NEK1: variants seen among roughly 807,000 people sequenced by gnomAD.
NEK1 encodes the protein serine/threonine-protein kinase Nek1.
Under a neutral mutation model 182.1 loss-of-function variants are expected in NEK1, and 137 were observed. The observed-to-expected ratio is 0.75, with a 90% CI of 0.65 to 0.87. The LOEUF is 0.87. Ranked by LOEUF, NEK1 falls within the 40% of genes least tolerant of loss-of-function variation. NEK1 has a pLI of 0.00. For synonymous variants in NEK1, 513 were observed against 492.2 expected (o/e 1.04, Z -0.56); for missense variants, 1,391 against 1,494.4 (o/e 0.93, Z 1.14).
At chr4:169,414,926 AC>A (rs926869554) in intron 31 of NEK1, among the ~76,000 whole-genome samples, 1 of 152,234 alleles carries the variant, frequency 6.6e-6, no homozygotes, top group Admixed American at 6.5e-5. Context: ...ACCTACTTTA[AC>A]AAAAATAGCT....
intron 9 of NEK1, 46 bp downstream of exon 9, chr4:169,587,513 C>T (rs1429627102): frequency 8.7e-6 from 9 of 1,031,766 alleles, no homozygotes; most frequent in East Asian, 2.9e-5. Flanking sequence ...ACATTATAGT[C>T]GCTTTTTAAC....
At chr4:169,496,805 C>T (rs1751393368) in intron 23 of NEK1, among the ~76,000 whole-genome samples, 1 of 151,908 alleles carries the variant, frequency 6.6e-6, no homozygotes, top group Non-Finnish European at 1.5e-5. Flanking sequence ...ATTCGGTTTG[C>T]CAGTATTTTA....
At chr4:169,495,618 T>C (rs1219329232) in intron 23 of NEK1, among the ~76,000 whole-genome samples, 1 of 152,224 alleles carries the variant, frequency 6.6e-6, no homozygotes, top group Admixed American at 6.5e-5. Context: ...GCTTTCTACA[T>C]ATGGCTAGCC....
At chr4:169,611,296 GCTC>G (rs1271756003) in intron 2 of NEK1, among the ~76,000 whole-genome samples, 20 of 152,074 alleles carry the variant, frequency 1.3e-4, no homozygotes, top group African/African-American at 4.8e-4. Flanking sequence ...CACAAAATAG[GCTC>G]CTTACATTTC....
chr4:169,523,070 T>C (rs1756349990), intron 19 of NEK1, among the ~76,000 whole-genome samples: 1 of 152,178 alleles, frequency 6.6e-6, no homozygotes, highest in Non-Finnish European at 1.5e-5. Context: ...TATTTAGTTA[T>C]ATTTAGAGGG....
rs187417483 is a variant in NEK1, at chr4:169,449,597, T to C, written c.2588-11338A>G. ...GATCTGCAGCTGAGGGACCTGACTA[T>C]TAAAGGAAAACTAACAGTAAGGAAT... On this transcript the variant is annotated intron_variant, in intron 27 of 35. Coordinates refer to ENST00000507142, the MANE Select transcript of NEK1 (RefSeq NM_001199397.3). Among the ~76,000 whole-genome samples the C allele has an allele frequency of 4.6e-3, 699 of 152,166 alleles. 6 individuals are homozygous for C. Among genetic ancestry groups the C allele is most frequent in the Non-Finnish European group, 5.0e-3 (340 of 67,996 alleles).
chr4:169,565,683 T>G (rs139358022), intron 12 of NEK1, among the ~76,000 whole-genome samples: 76 of 152,292 alleles, frequency 5.0e-4, no homozygotes, highest in African/African-American at 1.7e-3. Flanking sequence ...TATGCTGAGT[T>G]AAAGCAGCCA....
intron 23 of NEK1, among the ~76,000 whole-genome samples, chr4:169,492,701 GCAC>G (rs1417283139): frequency 6.6e-6 from 1 of 152,142 alleles, no homozygotes. Flanking sequence ...TTGAGCCACT[GCAC>G]CACCACCCGC....
intron 18 of NEK1, among the ~76,000 whole-genome samples, chr4:169,542,266 G>T (rs750231983): frequency 6.6e-6 from 1 of 152,106 alleles, no homozygotes; most frequent in African/African-American, 2.4e-5. Flanking sequence ...TGTGGTGTTT[G>T]GTTGTCTGTT....
chr4:169,399,407 T>C (rs1347494490), intron 35 of NEK1, among the ~76,000 whole-genome samples: 1 of 151,778 alleles, frequency 6.6e-6, no homozygotes, highest in Non-Finnish European at 1.5e-5. Flanking sequence ...TGAAACCCTG[T>C]CTCTACTAAA....
intron 18 of NEK1, among the ~76,000 whole-genome samples, chr4:169,539,249 A>G (rs1414956753): frequency 6.6e-6 from 1 of 152,172 alleles, no homozygotes; most frequent in Admixed American, 6.5e-5. Flanking sequence ...ATCCCCTAAC[A>G]GTCCCATTAG....
chr4:169,514,697 T>C (rs1484649465), intron 19 of NEK1, among the ~76,000 whole-genome samples: 1 of 152,206 alleles, frequency 6.6e-6, no homozygotes, highest in Non-Finnish European at 1.5e-5. Flanking sequence ...GATCTATAAT[T>C]ATACCCATTT....
intron 18 of NEK1, among the ~76,000 whole-genome samples, chr4:169,540,061 T>C (rs937948759): frequency 2.0e-5 from 3 of 152,194 alleles, no homozygotes; most frequent in Admixed American, 1.3e-4. Flanking sequence ...ATATGATTTA[T>C]AAATTTTGCT....
intron 27 of NEK1, among the ~76,000 whole-genome samples, chr4:169,455,795 G>C (rs1234905640): frequency 6.6e-6 from 1 of 151,908 alleles, no homozygotes; most frequent in Non-Finnish European, 1.5e-5. Context: ...GCTCTGCAAG[G>C]AGCAGCAAAA....
chr4:169,398,246 T>C (rs1187896619), intron 35 of NEK1, among the ~76,000 whole-genome samples: 1 of 151,826 alleles, frequency 6.6e-6, no homozygotes, highest in East Asian at 1.9e-4. Context: ...AAATACAACA[T>C]GTTTTACAGT....
intron 5 of NEK1, among the ~76,000 whole-genome samples, chr4:169,593,300 A>T (rs886253496): frequency 6.6e-6 from 1 of 152,210 alleles, no homozygotes; most frequent in Non-Finnish European, 1.5e-5. Context: ...ACCACAGATT[A>T]TAAGCAAACA....
At chr4:169,446,914 G>A (rs1394072005) in intron 27 of NEK1, among the ~76,000 whole-genome samples, 1 of 151,930 alleles carries the variant, frequency 6.6e-6, no homozygotes, top group Non-Finnish European at 1.5e-5. Flanking sequence ...AAAAAACAAA[G>A]GAAAAAGAAT....
chr4:169,493,444 G>C (rs552413793), intron 23 of NEK1, among the ~76,000 whole-genome samples: 1 of 152,276 alleles, frequency 6.6e-6, no homozygotes, highest in East Asian at 1.9e-4. Flanking sequence ...ATCCTAAGCA[G>C]ACTGAAATAT....
chr4:169,579,638 A>C (rs988438790), intron 11 of NEK1, among the ~76,000 whole-genome samples: 5 of 152,060 alleles, frequency 3.3e-5, no homozygotes, highest in African/African-American at 1.2e-4. Flanking sequence ...AAATACAAAA[A>C]ATTAGCTGGG....
Sources: gnomAD v4.1 joint callset for allele counts (sites outside exome capture counted in the v4.1 genomes callset) on GRCh38, gnomAD v4.1.1 for gene constraint, MANE v1.5 for transcripts, NCBI Gene and HGNC (gene_info 2026-07-23, HGNC 2026-07-21) for gene names.